ERG: variants seen among roughly 807,000 people sequenced by gnomAD.
ERG encodes the protein ETS transcription factor ERG.
Under a neutral mutation model 55.3 loss-of-function variants are expected in ERG, and 9 were observed. The observed-to-expected ratio is 0.16, with a 90% CI of 0.10 to 0.28. The LOEUF (loss-of-function observed/expected upper bound fraction) is 0.28. Ranked by LOEUF, ERG falls within the 10% of genes least tolerant of loss-of-function variation. The pLI, the probability that ERG is intolerant of heterozygous loss-of-function variation, is 1.00. For missense variants in ERG, 434 were observed against 631.6 expected (o/e 0.69, Z 3.35); for synonymous variants, 223 against 237.3 (o/e 0.94, Z 0.55).
Position 38,638,575 on chromosome 21 carries a change from T to C in ERG, c.-150+23083A>G, listed in dbSNP as rs558885038. Reference sequence around the variant, plus strand: ...AAGAGACAACAGCCTGTGGAAGATGTTTGCAAAATTTGGAAGATGGAAAGC... The same window carrying C: ...AAGAGACAACAGCCTGTGGAAGATGCTTGCAAAATTTGGAAGATGGAAAGC... On this transcript the variant is annotated intron_variant, in intron 1 of 10. Transcript: ENST00000398910. Among the ~76,000 whole-genome samples, 140 of 152,222 alleles carry C rather than the reference T, an allele frequency of 9.2e-4. 2 individuals are homozygous for C. The highest frequency in any genetic ancestry group is 7.0e-3 in the Admixed American group (107 of 15,292).
chr21:38,440,806 A>G, intron 2 of ERG, among the ~76,000 whole-genome samples: 1 of 123,042 alleles, frequency 8.1e-6, no homozygotes, highest in Non-Finnish European at 1.7e-5. Flanking sequence ...AAAAAAAAAA[A>G]AAAAAAAGCC....
At chr21:38,632,770 C>T (rs896084231) in intron 1 of ERG, among the ~76,000 whole-genome samples, 1 of 152,152 alleles carries the variant, frequency 6.6e-6, no homozygotes, top group Non-Finnish European at 1.5e-5. Context: ...TTATTGGCAG[C>T]ATAAAAACAG....
At position 38,440,421 on chromosome 21, in the gene ERG, C is replaced by T. The variant is rs372589012; in HGVS notation, c.236+4983G>A. On this transcript the variant is annotated intron_variant, in intron 2 of 9. Coordinates refer to ENST00000288319, the MANE Select transcript of ERG (RefSeq NM_182918.4). The stretch of plus-strand genomic sequence containing the variant: ...GAACCCTGCCTCTGCCCTGGCCCCT[C>T]GAGCTGGGCTGACACAGCCCGGTGC... 5.9e-5 allele frequency among the ~76,000 whole-genome samples: 9 copies of T among 152,312 alleles called. No homozygotes were observed. The East Asian group carries it at 1.5e-3, about 26-fold the overall frequency.
At position 38,469,366 on chromosome 21, in the gene ERG, C is replaced by T. The variant is rs148972958; in HGVS notation, c.19-23745G>A. Among the ~76,000 whole-genome samples, 444 of 152,302 alleles carry T rather than the reference C, an allele frequency of 2.9e-3. 12 individuals are homozygous for T. In the East Asian group the frequency reaches 0.065, roughly 22 times the overall value. On this transcript the variant is annotated intron_variant, in intron 1 of 9. Coordinates refer to ENST00000288319, the MANE Select transcript of ERG (RefSeq NM_182918.4). ...GTCTACCTACCTGTTACTTGTATGCCATTACCTGAAAAATTCCCATCTGTT... is the reference window on the plus strand; with the variant it reads ...GTCTACCTACCTGTTACTTGTATGCTATTACCTGAAAAATTCCCATCTGTT...
At chr21:38,367,502 G>A in the ERG span, 1 of 422,222 alleles carries the variant, frequency 2.4e-6, no homozygotes, top group Admixed American at 3.5e-5. Flanking sequence ...CTGTAGGGCT[G>A]CAAGTCTTCA....
At chr21:38,644,733 T>C (rs935606562) in intron 1 of ERG, among the ~76,000 whole-genome samples, 4 of 152,204 alleles carry the variant, frequency 2.6e-5, no homozygotes, top group Non-Finnish European at 4.4e-5. Flanking sequence ...ACAAAAATCA[T>C]ATTAAAATTG....
the ERG span, among the ~76,000 whole-genome samples, chr21:38,374,809 G>A: frequency 6.6e-6 from 1 of 152,080 alleles, no homozygotes; most frequent in Non-Finnish European, 1.5e-5. Context: ...AATGAACGTT[G>A]TACTTGGCCT....
At chr21:38,463,238 T>C (rs2836420) in intron 1 of ERG, among the ~76,000 whole-genome samples, 26,110 of 152,186 alleles carry the variant, frequency 0.17, 2,277 homozygotes, top group East Asian at 0.25. Flanking sequence ...TCTCATTTTA[T>C]TATAAAACAG....
At chr21:38,379,072 T>G (rs770937195), downstream of ERG, among the ~76,000 whole-genome samples, 1 of 152,224 alleles carries the variant, frequency 6.6e-6, no homozygotes, top group Non-Finnish European at 1.5e-5. Context: ...CATGTGCTGC[T>G]GCTCCATCAA....
chr21:38,414,408 G>A (rs1338168000), intron 3 of ERG, among the ~76,000 whole-genome samples: 1 of 152,168 alleles, frequency 6.6e-6, no homozygotes, highest in Non-Finnish European at 1.5e-5. Context: ...TCTTGTGAGG[G>A]AGGCACAATT....
chr21:38,407,601 A>G (rs1988827846), intron 3 of ERG, among the ~76,000 whole-genome samples: 1 of 140,514 alleles, frequency 7.1e-6, no homozygotes, highest in South Asian at 2.2e-4. Flanking sequence ...TGTATTCTCT[A>G]TTTTTCAAAG....
At chr21:38,533,364 C>T (rs536694250) in intron 2 of ERG, among the ~76,000 whole-genome samples, 1 of 152,252 alleles carries the variant, frequency 6.6e-6, no homozygotes, top group South Asian at 2.1e-4. Context: ...TCAAAGAAGC[C>T]TCACATAAAT....
chr21:38,495,106 T>A (rs1221935091), intron 1 of ERG, among the ~76,000 whole-genome samples: 2 of 152,168 alleles, frequency 1.3e-5, no homozygotes, highest in Admixed American at 1.3e-4. Context: ...TGATGAAAAA[T>A]CATAAATCTG....
intron 1 of ERG, among the ~76,000 whole-genome samples, chr21:38,627,854 A>G (rs1478946505): frequency 1.3e-5 from 2 of 152,232 alleles, no homozygotes; most frequent in African/African-American, 4.8e-5. Context: ...ATATCTTTAT[A>G]TAACCATGCA....
intron 3 of ERG, among the ~76,000 whole-genome samples, chr21:38,409,216 G>T (rs1309319099): frequency 6.6e-6 from 1 of 152,100 alleles, no homozygotes; most frequent in Non-Finnish European, 1.5e-5. Flanking sequence ...GGGCGTGGTG[G>T]CTCATACCTG....
At chr21:38,510,584 C>T (rs577154191) in intron 2 of ERG, among the ~76,000 whole-genome samples, 20 of 152,190 alleles carry the variant, frequency 1.3e-4, no homozygotes, top group East Asian at 3.9e-4. Context: ...AAGAGTGGAA[C>T]GACACTAACA....
At chr21:38,503,544 A>C (rs905200185) in intron 2 of ERG, among the ~76,000 whole-genome samples, 2 of 151,840 alleles carry the variant, frequency 1.3e-5, no homozygotes, top group African/African-American at 4.8e-5. Flanking sequence ...ATGTCTCGGC[A>C]TTCGGGAAGC....
At chr21:38,407,093 A>T (rs1988808830) in intron 3 of ERG, among the ~76,000 whole-genome samples, 1 of 152,160 alleles carries the variant, frequency 6.6e-6, no homozygotes, top group Admixed American at 6.5e-5. Flanking sequence ...ATACAATCAA[A>T]CGTCTTTAAA....
chr21:38,533,094 G>A (rs1381942006), intron 2 of ERG, among the ~76,000 whole-genome samples: 4 of 152,086 alleles, frequency 2.6e-5, no homozygotes, highest in African/African-American at 7.3e-5. Context: ...CACAACATAC[G>A]GTACTTTATT....
Sources: allele counts gnomAD v4.1 joint callset (sites outside exome capture counted in the v4.1 genomes callset), GRCh38; gene constraint gnomAD v4.1.1; transcripts MANE v1.5; gene names NCBI Gene and HGNC (gene_info 2026-07-23, HGNC 2026-07-21).